Variants in MIPOL1 observed in about 807,000 individuals in gnomAD.
MIPOL1 encodes the protein mirror-image polydactyly gene 1 protein.
Under a neutral mutation model 60.9 loss-of-function variants are expected in MIPOL1, and 57 were observed. That is an observed-to-expected ratio of 0.94 (90% CI 0.76 to 1.17). The LOEUF (loss-of-function observed/expected upper bound fraction) is 1.17. Ranked by LOEUF, MIPOL1 falls within the 50% of genes most tolerant of loss-of-function variation. The probability of loss-of-function intolerance (pLI) is 0.00; values close to 1 mark genes in which losing one functional copy is unlikely to be tolerated. For synonymous variants in MIPOL1, 179 were observed against 168.8 expected, an observed-to-expected ratio of 1.06 and a Z score of -0.47; for missense variants, 551 against 511.6, an observed-to-expected ratio of 1.08 and a Z score of -0.74.
At chr14:37,238,647 T>G (rs1971859349) in intron 1 of MIPOL1, among the ~76,000 whole-genome samples, 1 of 152,102 alleles carries the variant, frequency 6.6e-6, no homozygotes, top group African/African-American at 2.4e-5. Flanking sequence ...GATGAAACTT[T>G]CTTGAAAGAA....
chr14:37,422,364 C>G (rs752553535), intron 10 of MIPOL1, among the ~76,000 whole-genome samples: 48 of 151,592 alleles, frequency 3.2e-4, no homozygotes, highest in Admixed American at 1.6e-3. Flanking sequence ...AGTCTGTAGC[C>G]TGCTGTATTT....
intron 10 of MIPOL1, among the ~76,000 whole-genome samples, chr14:37,388,434 A>T (rs1167565011): frequency 7.2e-5 from 11 of 151,794 alleles, no homozygotes; most frequent in African/African-American, 2.7e-4. Flanking sequence ...ACATAGTTGA[A>T]AAGACCAAGG....
chr14:37,467,564 C>A (rs2094615216), intron 11 of MIPOL1, among the ~76,000 whole-genome samples: 1 of 152,128 alleles, frequency 6.6e-6, no homozygotes, highest in African/African-American at 2.4e-5. Flanking sequence ...GTAGAAGTTA[C>A]CTTCGGGAGA....
chr14:37,234,259 G>A (rs939731363), intron 1 of MIPOL1, among the ~76,000 whole-genome samples: 12 of 151,924 alleles, frequency 7.9e-5, no homozygotes, highest in African/African-American at 2.7e-4. Flanking sequence ...GCATGGTCAC[G>A]ACAATTTTTT....
chr14:37,235,209 C>A lies in MIPOL1; in HGVS notation c.-198-11894C>A, dbSNP rs1291935010. The stretch of plus-strand genomic sequence containing the variant: ...CTTGTTCCATACTGATTTTTGCATG[C>A]TACTTGCTTTTTATCCCAGTAAGTG... On this transcript the variant is annotated intron_variant, in intron 1 of 12. Coordinates refer to ENST00000684589, the MANE Select transcript of MIPOL1 (RefSeq NM_001388067.1). 2.0e-5 allele frequency among the ~76,000 whole-genome samples: 3 copies of A among 152,186 alleles called. No homozygotes were observed. In the East Asian group the frequency reaches 5.8e-4, roughly 29 times the overall value.
At chr14:37,432,317 A>G (rs1261346272) in intron 11 of MIPOL1, among the ~76,000 whole-genome samples, 2 of 152,138 alleles carry the variant, frequency 1.3e-5, no homozygotes, top group Admixed American at 1.3e-4. Context: ...TAACTCCCCT[A>G]CTAGTGCTTC....
intron 12 of MIPOL1, chr14:37,545,542 G>A: frequency 2.0e-6 from 1 of 492,906 alleles, no homozygotes. Context: ...TTTTAGAAAA[G>A]TTTGTAGTAA....
intron 11 of MIPOL1, among the ~76,000 whole-genome samples, chr14:37,495,315 G>A (rs1169559921): frequency 8.0e-6 from 1 of 124,540 alleles, no homozygotes; most frequent in African/African-American, 3.1e-5. Flanking sequence ...AGAGTGTGAT[G>A]TTCCCCTTCC....
At chr14:37,397,326 T>C (rs1045473888) in intron 10 of MIPOL1, among the ~76,000 whole-genome samples, 1 of 150,212 alleles carries the variant, frequency 6.7e-6, no homozygotes, top group African/African-American at 2.5e-5. Flanking sequence ...TGATGTGAAC[T>C]GTCTATAGGT....
chr14:37,523,693 A>G, intron 12 of MIPOL1: 1 of 337,454 alleles, frequency 3.0e-6, no homozygotes. Context: ...TGTGTTAGGC[A>G]CTGATGAACA....
rs1247503762 is a variant in MIPOL1 at position 37,298,351 on chromosome 14, C to G, written c.624-9705C>G. On this transcript the variant is annotated intron_variant, in intron 7 of 12. Coordinates refer to ENST00000684589, the MANE Select transcript of MIPOL1 (RefSeq NM_001388067.1). ...TAGACCTAAAACCATAAAAACCCTA[C>G]AAGAAAACCTAGGCAATACCATTCA... 5.9e-5 allele frequency among the ~76,000 whole-genome samples: 9 copies of G among 152,036 alleles called. No individual in the cohort carries two copies. The East Asian group carries it at 1.2e-3, about 20-fold the overall frequency.
intron 1 of MIPOL1, among the ~76,000 whole-genome samples, chr14:37,231,193 T>A (rs562722593): frequency 6.6e-6 from 1 of 152,106 alleles, no homozygotes; most frequent in South Asian, 2.1e-4. Flanking sequence ...TTTCAAGCGA[T>A]CCTCCCACCT....
chr14:37,375,319 C>G (rs910915829), intron 10 of MIPOL1, among the ~76,000 whole-genome samples: 1 of 152,064 alleles, frequency 6.6e-6, no homozygotes. Context: ...AGTGGTTCCC[C>G]CACCTCAGCC....
intron 11 of MIPOL1, among the ~76,000 whole-genome samples, chr14:37,488,404 A>G (rs1362563507): frequency 6.6e-6 from 1 of 151,966 alleles, no homozygotes; most frequent in Non-Finnish European, 1.5e-5. Context: ...TGATCTGTCT[A>G]ATATGGACAA....
intron 12 of MIPOL1, chr14:37,502,478 AG>A (rs2095229731): frequency 6.6e-6 from 1 of 152,468 alleles, no homozygotes; most frequent in South Asian, 2.1e-4. Context: ...CCAGGCAAAC[AG>A]GGTTTGGGTG....
At chr14:37,228,325 CTTTTTT>C (rs397961053) in intron 1 of MIPOL1, among the ~76,000 whole-genome samples, 1 of 105,178 alleles carries the variant, frequency 9.5e-6, no homozygotes, top group Non-Finnish European at 2.1e-5. Flanking sequence ...TCTTTCTTTT[CTTTTTT>C]TTTTTTTTTT....
chr14:37,280,038 A>G (rs1421895421), intron 6 of MIPOL1, among the ~76,000 whole-genome samples: 1 of 151,900 alleles, frequency 6.6e-6, no homozygotes, highest in Non-Finnish European at 1.5e-5. Context: ...ATCATGAGGT[A>G]TTTGTCTCTC....
intron 11 of MIPOL1, among the ~76,000 whole-genome samples, chr14:37,477,999 AAAG>A (rs1172950715): frequency 5.9e-5 from 9 of 152,232 alleles, no homozygotes; most frequent in African/African-American, 2.2e-4. Context: ...ATGATAAGAA[AAAG>A]AAGAAGCGTT....
rs1449896886 is a variant in MIPOL1 at position 37,505,253 on chromosome 14, G to A, written c.1262+5115G>A. ...AGGAATCCTCCCTAACTCATTTCAT[G>A]AGGCCAGCATCATCCTAATACCAAA... On this transcript the variant is annotated intron_variant, in intron 12 of 12. Coordinates refer to ENST00000684589, the MANE Select transcript of MIPOL1 (RefSeq NM_001388067.1). 2.0e-5 allele frequency: 3 copies of A among 152,242 alleles called. No individual in the cohort carries two copies. In the East Asian group the frequency reaches 5.8e-4, roughly 29 times the overall value. 9.4% of individuals were successfully genotyped at this position (152,242 alleles called of 1,614,324 possible).
Sources: allele counts gnomAD v4.1 joint callset (sites outside exome capture counted in the v4.1 genomes callset), GRCh38; gene constraint gnomAD v4.1.1; transcripts MANE v1.5; gene names NCBI Gene and HGNC (gene_info 2026-07-23, HGNC 2026-07-21).